The following GK5 variants were observed in gnomAD, a reference collection of about 807,000 sequenced individuals.
The protein encoded by GK5 is glycerol kinase 5.
GK5 carries 39 observed loss-of-function variants against 77.3 expected under a neutral mutation model. The ratio of observed to expected loss-of-function variants is 0.50; its 90% CI spans 0.39 to 0.66. The LOEUF (loss-of-function observed/expected upper bound fraction) is 0.66, where lower values mean the gene tolerates loss of function less well. Ranked by LOEUF, GK5 falls within the 30% of genes least tolerant of loss-of-function variation. The probability of loss-of-function intolerance (pLI) is 0.00; values close to 1 mark genes in which losing one functional copy is unlikely to be tolerated. For synonymous variants in GK5, 211 were observed against 208.0 expected (o/e 1.01, Z -0.13); for missense variants, 487 against 633.8 (o/e 0.77, Z 2.49).
intron 5 of GK5, among the ~76,000 whole-genome samples, chr3:142,197,970 C>G (rs541146258): frequency 2.0e-5 from 3 of 151,030 alleles, no homozygotes; most frequent in African/African-American, 7.3e-5. Context: ...TTACAGTGAG[C>G]TGAGATCGCA....
Position 142,164,700 on chromosome 3 carries a change from T to C in GK5, c.*922A>G, listed in dbSNP as rs2063455186. Reference sequence around the variant, plus strand: ...ATAAAGGCAATTCTTAAGTGGTCAATAAATTAGGGCACTTCTTCAAATTAA... The same window carrying C: ...ATAAAGGCAATTCTTAAGTGGTCAACAAATTAGGGCACTTCTTCAAATTAA... On this transcript the variant is annotated 3_prime_UTR_variant, in exon 16 of 16. Coordinates refer to ENST00000392993, the MANE Select transcript of GK5 (RefSeq NM_001039547.3). 6.6e-6 allele frequency: 1 copy of C among 152,126 alleles called. No homozygotes were observed. Among genetic ancestry groups the C allele is most frequent in the African/African-American group, 2.4e-5 (1 of 41,436 alleles). 9.4% of individuals were successfully genotyped at this position (152,126 alleles called of 1,614,324 possible). A position where few individuals can be genotyped will look rare whatever the true frequency, so the allele number is the denominator to read the frequency against.
rs1322420750 is a variant in GK5, at chr3:142,164,362, A to T, written c.*1260T>A. On this transcript the variant is annotated 3_prime_UTR_variant, in exon 16 of 16. Transcript: ENST00000392993. ...CATTATTGCTGCAAATCCAAATGGAACCTAACCCAAATGTAGGGAGGGGCA... is the reference window on the plus strand; with the variant it reads ...CATTATTGCTGCAAATCCAAATGGATCCTAACCCAAATGTAGGGAGGGGCA... The T allele has an allele frequency of 1.3e-5, 2 of 152,228 alleles. No homozygotes were observed. Among genetic ancestry groups the T allele is most frequent in the Admixed American group, 1.3e-4 (2 of 15,276 alleles). 9.4% of individuals were successfully genotyped at this position (152,228 alleles called of 1,614,324 possible).
intron 3 of GK5, among the ~76,000 whole-genome samples, chr3:142,212,052 C>G (rs1186993007): frequency 6.6e-6 from 1 of 152,200 alleles, no homozygotes; most frequent in Non-Finnish European, 1.5e-5. Flanking sequence ...CTGCCCAATA[C>G]TGAATTAGAA....
chr3:142,198,317 T>C (rs1390234346), intron 5 of GK5, among the ~76,000 whole-genome samples: 1 of 151,856 alleles, frequency 6.6e-6, no homozygotes. Context: ...TCCACTGATA[T>C]AAATCAAAGA....
At position 142,198,790 on chromosome 3, in the gene GK5, G is replaced by A. The variant is rs549640855; in HGVS notation, c.543+12C>T. The stretch of plus-strand genomic sequence containing the variant: ...CACACATATTTTCCACATACACACA[G>A]TATTTTCTTACCTCAGTCAAGTTCT... On this transcript the variant is annotated intron_variant, in intron 5 of 15. Coordinates refer to ENST00000392993, the MANE Select transcript of GK5 (RefSeq NM_001039547.3). 30 of 1,603,672 alleles carry A rather than the reference G, an allele frequency of 1.9e-5. No individual in the cohort carries two copies. In the African/African-American group the frequency reaches 2.8e-4, roughly 15 times the overall value.
intron 3 of GK5, among the ~76,000 whole-genome samples, chr3:142,205,103 T>C (rs566625501): frequency 1.3e-5 from 2 of 152,324 alleles, no homozygotes; most frequent in South Asian, 4.1e-4. Flanking sequence ...ACTGCACTTG[T>C]CCTGATACAC....
At chr3:142,225,255 C>G in intron 1 of GK5, 54 bp downstream of exon 1, 1 of 1,477,180 alleles carries the variant, frequency 6.8e-7, no homozygotes. Context: ...GGCCGGACCC[C>G]GGGACTCAGC....
chr3:142,169,892 TGAA>T (rs2063515378), intron 15 of GK5, among the ~76,000 whole-genome samples: 4 of 152,138 alleles, frequency 2.6e-5, no homozygotes, highest in Admixed American at 6.5e-5. Context: ...AAGCTGGTCT[TGAA>T]CTCTTGACCT....
chr3:142,185,123 C>T, intron 9 of GK5: 6 of 985,226 alleles, frequency 6.1e-6, no homozygotes, highest in Non-Finnish European at 7.2e-6. Flanking sequence ...TCTTAAAAAT[C>T]AAAAACAGGC....
At position 142,225,448 on chromosome 3, in the gene GK5, C is replaced by T. The variant is rs766772915; in HGVS notation, c.8G>A (p.Gly3Glu). 2 of 1,602,640 alleles carry T rather than the reference C, an allele frequency of 1.2e-6. No homozygotes were observed. Among genetic ancestry groups the T allele is most frequent in the Admixed American group, 1.7e-5 (1 of 59,618 alleles). ...TCTCTGCTCCGGGTCCGTGAGCAGCCCCGACATCCCGATCCCGCACGCCTC... is the reference window on the plus strand; with the variant it reads ...TCTCTGCTCCGGGTCCGTGAGCAGCTCCGACATCCCGATCCCGCACGCCTC... MSGLLTDPEQRAQ... is the reference protein window; with the variant it reads MSELLTDPEQRAQ... Residue 3 changes from glycine (G) to glutamate (E), a missense_variant, in exon 1 of 16, where the codon GGG becomes GAG. Physicochemically the swap from Gly to Glu is moderately conservative, Grantham distance 98 (BLOSUM62 -2). Coordinates refer to ENST00000392993, the MANE Select transcript of GK5 (RefSeq NM_001039547.3).
At position 142,157,718 on chromosome 3, in the gene GK5, A is replaced by G. The variant is rs1277130595; in HGVS notation, c.*7904T>C. The G allele has an allele frequency of 6.6e-6, 1 of 152,160 alleles. No homozygotes were observed. Among genetic ancestry groups the G allele is most frequent in the Non-Finnish European group, 1.5e-5 (1 of 68,024 alleles). The allele number at this position is 152,160 out of a possible 1,614,324, so 9.4% of individuals were successfully genotyped here. ...CTTTCTAAATATTTTAAAATACAGTATATTTTCACAACAAATTTTATTTTC... is the reference window on the plus strand; with the variant it reads ...CTTTCTAAATATTTTAAAATACAGTGTATTTTCACAACAAATTTTATTTTC... On this transcript the variant is annotated 3_prime_UTR_variant, in exon 16 of 16. Coordinates refer to ENST00000392993, the MANE Select transcript of GK5 (RefSeq NM_001039547.3).
chr3:142,196,113 T>C (rs993870623), intron 5 of GK5, among the ~76,000 whole-genome samples: 2 of 152,188 alleles, frequency 1.3e-5, no homozygotes, highest in Admixed American at 6.5e-5. Flanking sequence ...TTTGTTGGCA[T>C]GCACTTGTTC....
intron 11 of GK5, among the ~76,000 whole-genome samples, chr3:142,180,865 C>T (rs1204149705): frequency 6.6e-6 from 1 of 152,152 alleles, no homozygotes; most frequent in African/African-American, 2.4e-5. Context: ...AACTCCTAGT[C>T]TCACTCTTGA....
At chr3:142,171,121 C>T (rs1287316239) in intron 14 of GK5, among the ~76,000 whole-genome samples, 3 of 152,032 alleles carry the variant, frequency 2.0e-5, no homozygotes, top group South Asian at 2.1e-4. Context: ...GTCACAACTA[C>T]TCGGGATAGT....
At chr3:142,199,407 T>G (rs1466131770) in intron 4 of GK5, among the ~76,000 whole-genome samples, 1 of 152,154 alleles carries the variant, frequency 6.6e-6, no homozygotes, top group Non-Finnish European at 1.5e-5. Flanking sequence ...TATATAAAGT[T>G]ATCAGCTAAT....
intron 7 of GK5, 67 bp from the exon 8 acceptor site, chr3:142,186,334 AAAC>A: frequency 9.2e-7 from 1 of 1,089,348 alleles, no homozygotes; most frequent in East Asian, 2.4e-5. Context: ...ACATATATCA[AAAC>A]ATCATGTTGT....
chr3:142,198,528 C>T (rs1407488902), intron 5 of GK5, among the ~76,000 whole-genome samples: 4 of 152,118 alleles, frequency 2.6e-5, no homozygotes, highest in African/African-American at 9.7e-5. Context: ...GCAGGAGAAT[C>T]ACTTGAACCT....
chr3:142,169,832 T>C (rs1045255435), intron 15 of GK5, among the ~76,000 whole-genome samples: 1 of 151,870 alleles, frequency 6.6e-6, no homozygotes, highest in Admixed American at 6.6e-5. Context: ...GCCACCATGC[T>C]CAGCTAATTT....
chr3:142,166,758 C>T (rs750690510), intron 15 of GK5, among the ~76,000 whole-genome samples: 4 of 152,158 alleles, frequency 2.6e-5, no homozygotes, highest in Non-Finnish European at 2.9e-5. Flanking sequence ...TGGTCTCAAA[C>T]TCCTGGCCTC....
Sources: allele counts gnomAD v4.1 joint callset (sites outside exome capture counted in the v4.1 genomes callset), GRCh38; gene constraint gnomAD v4.1.1; transcripts MANE v1.5; gene names NCBI Gene and HGNC (gene_info 2026-07-23, HGNC 2026-07-21).